TBATA: variants seen among roughly 807,000 people sequenced by gnomAD.
TBATA encodes the protein thymus, brain and testes associated, also known as protein TBATA.
TBATA carries 47 observed loss-of-function variants against 38.7 expected under a neutral mutation model. The observed-to-expected ratio is 1.21, with a 90% CI of 0.96 to 1.55. The LOEUF is 1.55. Ranked by LOEUF, TBATA falls within the 40% of genes most tolerant of loss-of-function variation. The pLI, the probability that TBATA is intolerant of heterozygous loss-of-function variation, is 0.00. For synonymous variants in TBATA, 183 were observed against 170.5 expected, an observed-to-expected ratio of 1.07 and a Z score of -0.57; for missense variants, 436 against 435.6, an observed-to-expected ratio of 1.00 and a Z score of -0.01.
chr10:70,783,304 T>A (rs1454895776), intron 3 of TBATA, 35 bp downstream of exon 3: 7 of 1,613,372 alleles, frequency 4.3e-6, no homozygotes, highest in Non-Finnish European at 8.5e-7. Context: ...CCCCAAGCCC[T>A]CCTCAGTCAG....
chr10:70,778,821 T>G, intron 5 of TBATA, 185 bp from the exon 6 acceptor site: 22 of 637,358 alleles, frequency 3.5e-5, no homozygotes, highest in East Asian at 9.1e-5. Context: ...GTGGTGGTTG[T>G]GGCAGTGGGT....
intron 4 of TBATA, among the ~76,000 whole-genome samples, chr10:70,780,233 C>T (rs552896917): frequency 2.0e-5 from 3 of 151,954 alleles, no homozygotes; most frequent in East Asian, 3.9e-4. Context: ...TGCAAGGCTG[C>T]GTGCAGGGCA....
chr10:70,773,148 C>T lies in TBATA; in HGVS notation c.921-582G>A, dbSNP rs554407606. 5.8e-4 allele frequency among the ~76,000 whole-genome samples: 88 copies of T among 152,236 alleles called. 1 individual carries two copies. The highest frequency in any genetic ancestry group is 1.0e-3 in the South Asian group (5 of 4,824). ...GTCACAGTGAAGCCTGTCTTCCTCG[C>T]TAGGCCGTTCCTCCTCTGCTCTCTC... On this transcript the variant is annotated intron_variant, in intron 9 of 10. Coordinates refer to ENST00000456372, the MANE Select transcript of TBATA (RefSeq NM_001318241.2).
At chr10:70,772,875 C>T (rs929100470) in intron 9 of TBATA, among the ~76,000 whole-genome samples, 5 of 152,218 alleles carry the variant, frequency 3.3e-5, no homozygotes, top group Non-Finnish European at 7.3e-5. Context: ...CATCAGCCCT[C>T]CCCCTAGCCC....
intron 10 of TBATA, among the ~76,000 whole-genome samples, chr10:70,772,023 A>G (rs1434982102): frequency 2.0e-5 from 3 of 152,066 alleles, no homozygotes; most frequent in Non-Finnish European, 2.9e-5. Flanking sequence ...TCCCCCACCC[A>G]GAAGGCCCCA....
intron 7 of TBATA, among the ~76,000 whole-genome samples, chr10:70,776,016 G>A (rs914659478): frequency 6.6e-6 from 1 of 152,218 alleles, no homozygotes; most frequent in Non-Finnish European, 1.5e-5. Flanking sequence ...GGCTCCCTAG[G>A]CCAGACTGCT....
intron 4 of TBATA, among the ~76,000 whole-genome samples, chr10:70,780,719 C>G (rs1176910416): frequency 6.6e-6 from 1 of 152,212 alleles, no homozygotes; most frequent in Non-Finnish European, 1.5e-5. Flanking sequence ...CCAGCCTACA[C>G]TAGCCCTTCT....
rs752904854 is a variant in TBATA at position 70,771,401 on chromosome 10, GTCT to G, written c.1031_1033del (p.Lys344del). ...TCAGCTCTCTGCCCTCGGCTTCGAT[GTCT>G]TCTTCTCTGTGTTCTGGCTTGAATG... On this transcript the variant is annotated inframe_deletion, in exon 11 of 11. Coordinates refer to ENST00000456372, the MANE Select transcript of TBATA (RefSeq NM_001318241.2). The G allele has an allele frequency of 1.4e-5, 22 of 1,614,066 alleles. No individual in the cohort carries two copies. Among genetic ancestry groups the G allele is most frequent in the Admixed American group, 1.0e-4 (6 of 60,006 alleles).
At chr10:70,782,416 G>A (rs1844346028) in intron 3 of TBATA, 1 of 1,300,198 alleles carries the variant, frequency 7.7e-7, no homozygotes, top group Admixed American at 2.3e-5. Context: ...GGATGGGGAT[G>A]GTCTCAACAG....
chr10:70,778,688 C>T, intron 5 of TBATA, 52 bp from the exon 6 acceptor site: 1 of 1,504,168 alleles, frequency 6.6e-7, no homozygotes, highest in Middle Eastern at 1.7e-4. Context: ...CCCTCCTCCC[C>T]TCCCTGTGCC....
At chr10:70,781,134 C>T (rs1322269028) in intron 4 of TBATA, among the ~76,000 whole-genome samples, 1 of 152,222 alleles carries the variant, frequency 6.6e-6, no homozygotes, top group African/African-American at 2.4e-5. Flanking sequence ...TTCCTTGCTG[C>T]TGCTCCAACA....
intron 4 of TBATA, among the ~76,000 whole-genome samples, 196 bp downstream of exon 4, chr10:70,781,605 C>G (rs1844220304): frequency 6.6e-6 from 1 of 152,234 alleles, no homozygotes; most frequent in South Asian, 2.1e-4. Context: ...TGTAGGGAAC[C>G]TGTCACCCAC....
intron 9 of TBATA, among the ~76,000 whole-genome samples, chr10:70,773,053 C>A (rs943255176): frequency 6.6e-6 from 1 of 152,302 alleles, no homozygotes; most frequent in South Asian, 2.1e-4. Context: ...TCCCTCCCTA[C>A]GACTCTGGGA....
rs146225782 is a variant in TBATA, at chr10:70,781,826, G to T, written c.252C>A (p.His84Gln). ...CTTGGATGTGGGTCACGTGCTGGGG[G>T]TGTGGGTGGTGCCGGGAGAAGAAGG... ...HHSFFSRHHPHPQHVTHIQDL... is the reference protein window; with the variant it reads ...HHSFFSRHHPQPQHVTHIQDL... Residue 84 changes from histidine to glutamine, a missense_variant, in exon 4 of 11, where the codon CAC (histidine) becomes CAA (glutamine). His to Gln is a conservative substitution (Grantham distance 24). Coordinates refer to ENST00000456372, the MANE Select transcript of TBATA (RefSeq NM_001318241.2). The T allele has an allele frequency of 2.9e-4, 473 of 1,613,972 alleles. 1 individual carries two copies. Among genetic ancestry groups the T allele is most frequent in the Non-Finnish European group, 3.2e-4 (377 of 1,179,916 alleles).
intron 9 of TBATA, 143 bp from the exon 10 acceptor site, chr10:70,772,709 T>C: frequency 1.2e-6 from 1 of 864,076 alleles, no homozygotes; most frequent in South Asian, 1.5e-5. Context: ...TCACCCCTCC[T>C]GGAGGGCCAG....
Position 70,783,487 on chromosome 10 carries a change from CT to C in TBATA, c.-109del. 1 of 1,294,954 alleles carries C rather than the reference CT, an allele frequency of 7.7e-7. No individual in the cohort carries two copies. The highest frequency in any genetic ancestry group is 1.1e-6 in the Non-Finnish European group (1 of 902,172). 80.2% of individuals were successfully genotyped at this position (1,294,954 alleles called of 1,614,324 possible). A position where few individuals can be genotyped will look rare whatever the true frequency, so the allele number is the denominator to read the frequency against. ...GTGTTGAGGATGCAGAACAGGAACTCTCACGAACTGGTGGTGGAAGTGTAAA... is the reference window on the plus strand; with the variant it reads ...GTGTTGAGGATGCAGAACAGGAACTCCACGAACTGGTGGTGGAAGTGTAAA... On this transcript the variant is annotated 5_prime_UTR_variant, in exon 3 of 11. Coordinates refer to ENST00000456372, the MANE Select transcript of TBATA (RefSeq NM_001318241.2).
chr10:70,777,799 G>C (rs1334137962), intron 6 of TBATA: 1 of 456,024 alleles, frequency 2.2e-6, no homozygotes. Context: ...GTCTGTCCCA[G>C]AGAGGCCTGG....
At chr10:70,780,682 C>T (rs1844094822) in intron 4 of TBATA, among the ~76,000 whole-genome samples, 1 of 152,124 alleles carries the variant, frequency 6.6e-6, no homozygotes, top group South Asian at 2.1e-4. Context: ...CCATCTCCCA[C>T]ATCAGAAACC....
At position 70,781,777 on chromosome 10, in the gene TBATA, C is replaced by G. The variant is rs769633675; in HGVS notation, c.277+24G>C. On this transcript the variant is annotated intron_variant, in intron 4 of 10. Transcript: ENST00000456372. The stretch of plus-strand genomic sequence containing the variant: ...CCAATTAGTGATACTCCCTCTGCTC[C>G]CACCCCAACCAGCCAGGCCCTACCT... 3 of 1,603,254 alleles carry G rather than the reference C, an allele frequency of 1.9e-6. No individual in the cohort carries two copies. In the South Asian group the frequency reaches 3.3e-5, roughly 18 times the overall value.
Sources: gnomAD v4.1 joint callset for allele counts (sites outside exome capture counted in the v4.1 genomes callset) on GRCh38, gnomAD v4.1.1 for gene constraint, MANE v1.5 for transcripts, NCBI Gene and HGNC (gene_info 2026-07-23, HGNC 2026-07-21) for gene names.